Variants in PDLIM5 observed in about 807,000 individuals in gnomAD.
PDLIM5 encodes the protein PDZ and LIM domain protein 5.
PDLIM5 carries 34 observed loss-of-function variants against 64.2 expected under a neutral mutation model. The ratio of observed to expected loss-of-function variants is 0.53; its 90% CI spans 0.40 to 0.71. PDLIM5 has a LOEUF of 0.71. PDLIM5 is among the 30% of genes least tolerant of loss of function. The probability of loss-of-function intolerance (pLI) is 0.00; values close to 1 mark genes in which losing one functional copy is unlikely to be tolerated. For missense variants in PDLIM5, 683 were observed against 733.6 expected (o/e 0.93, Z 0.80); for synonymous variants, 253 against 269.1 (o/e 0.94, Z 0.59).
chr4:94,456,710 A>T, intron 2 of PDLIM5: 1 of 1,338,648 alleles, frequency 7.5e-7, no homozygotes, highest in Non-Finnish European at 9.6e-7. Context: ...ATAAGTACAT[A>T]CATATATATG....
At chr4:94,518,960 T>G (rs1296433820) in intron 2 of PDLIM5, among the ~76,000 whole-genome samples, 2 of 152,182 alleles carry the variant, frequency 1.3e-5, no homozygotes. Context: ...GCTTTATTGC[T>G]TCTTATCCTT....
chr4:94,555,719 A>G (rs1223676426), intron 3 of PDLIM5, among the ~76,000 whole-genome samples: 2 of 151,866 alleles, frequency 1.3e-5, no homozygotes, highest in African/African-American at 4.8e-5. Context: ...TCGTGTGCCA[A>G]TTCTATGTTA....
At chr4:94,543,882 A>G (rs1226627657) in intron 3 of PDLIM5, among the ~76,000 whole-genome samples, 1 of 150,340 alleles carries the variant, frequency 6.7e-6, no homozygotes, top group Non-Finnish European at 1.5e-5. Flanking sequence ...TTGATTCCAT[A>G]TTATGGGAAT....
chr4:94,614,490 G>A (rs1379016372), intron 7 of PDLIM5, among the ~76,000 whole-genome samples: 1 of 152,040 alleles, frequency 6.6e-6, no homozygotes, highest in Non-Finnish European at 1.5e-5. Flanking sequence ...AGATTTTTAG[G>A]GGATTGGGCA....
chr4:94,468,519 T>C (rs1465528131), intron 2 of PDLIM5, among the ~76,000 whole-genome samples: 1 of 152,104 alleles, frequency 6.6e-6, no homozygotes, highest in Non-Finnish European at 1.5e-5. Context: ...AAACTAAACC[T>C]AGTCTGTGCT....
At chr4:94,586,280 C>A in intron 6 of PDLIM5, 128 bp from the exon 7 acceptor site, 1 of 604,134 alleles carries the variant, frequency 1.7e-6, no homozygotes. Flanking sequence ...TAACAGGCTA[C>A]TATGGAATTC....
At chr4:94,456,774 G>T in intron 2 of PDLIM5, 1 of 1,217,318 alleles carries the variant, frequency 8.2e-7, no homozygotes, top group East Asian at 4.5e-5. Context: ...ACACTTTTGT[G>T]CAACGCATGA....
intron 2 of PDLIM5, among the ~76,000 whole-genome samples, chr4:94,479,192 G>C (rs1428170256): frequency 6.6e-6 from 1 of 150,990 alleles, no homozygotes; most frequent in Non-Finnish European, 1.5e-5. Flanking sequence ...GAGCCACTGT[G>C]CCCAGCCTGT....
intron 3 of PDLIM5, among the ~76,000 whole-genome samples, chr4:94,540,326 G>T (rs1380209690): frequency 1.3e-5 from 2 of 152,078 alleles, no homozygotes; most frequent in Non-Finnish European, 2.9e-5. Flanking sequence ...CACTGTGTTA[G>T]CCAGGATGGT....
At chr4:94,620,902 T>C (rs185200726) in intron 8 of PDLIM5, among the ~76,000 whole-genome samples, 1 of 151,652 alleles carries the variant, frequency 6.6e-6, no homozygotes, top group Admixed American at 6.6e-5. Flanking sequence ...ACCCTGTCTC[T>C]ACTAAAAATA....
chr4:94,619,301 C>T (rs188921525), intron 8 of PDLIM5, among the ~76,000 whole-genome samples: 1 of 152,204 alleles, frequency 6.6e-6, no homozygotes, highest in Admixed American at 6.5e-5. Context: ...TCCCCTCCTT[C>T]AGTCTGTCCC....
chr4:94,574,513 AAAC>A, intron 4 of PDLIM5, among the ~76,000 whole-genome samples: 1 of 151,974 alleles, frequency 6.6e-6, no homozygotes, highest in Non-Finnish European at 1.5e-5. Context: ...AAAAAAAAAA[AAAC>A]AAGATGAATT....
chr4:94,462,277 T>G (rs572302425), intron 2 of PDLIM5, among the ~76,000 whole-genome samples: 19 of 152,326 alleles, frequency 1.2e-4, no homozygotes, highest in African/African-American at 4.3e-4. Flanking sequence ...GGAAGCCACC[T>G]GTGTTAGTAG....
chr4:94,461,006 T>C (rs1023797478), intron 2 of PDLIM5, among the ~76,000 whole-genome samples: 1 of 152,218 alleles, frequency 6.6e-6, no homozygotes, highest in African/African-American at 2.4e-5. Context: ...AGTTGAACAG[T>C]GGTCTTTGTC....
At chr4:94,620,297 G>T (rs186922664) in intron 8 of PDLIM5, among the ~76,000 whole-genome samples, 1 of 152,118 alleles carries the variant, frequency 6.6e-6, no homozygotes, top group Non-Finnish European at 1.5e-5. Context: ...AGCTGAGTGC[G>T]GTGGCTCCTG....
intron 2 of PDLIM5, among the ~76,000 whole-genome samples, chr4:94,478,672 A>G (rs949368669): frequency 6.6e-6 from 1 of 152,160 alleles, no homozygotes; most frequent in East Asian, 1.9e-4. Context: ...AAAGGAAGTT[A>G]TTATTGTGAC....
At chr4:94,661,125 G>C (rs188772922) in intron 11 of PDLIM5, among the ~76,000 whole-genome samples, 56 of 152,228 alleles carry the variant, frequency 3.7e-4, no homozygotes, top group African/African-American at 1.2e-3. Flanking sequence ...CAGGCACAGT[G>C]ACTCAGTGCC....
chr4:94,643,603 C>A (rs17021920), intron 9 of PDLIM5, among the ~76,000 whole-genome samples: 6,797 of 152,094 alleles, frequency 0.045, 277 homozygotes, highest in East Asian at 0.15. Flanking sequence ...TTAGCTTGAC[C>A]TCTCTGTGAA....
At chr4:94,492,071 A>G (rs1192324226) in intron 2 of PDLIM5, among the ~76,000 whole-genome samples, 2 of 148,308 alleles carry the variant, frequency 1.3e-5, no homozygotes, top group East Asian at 3.9e-4. Flanking sequence ...CTCCTTTAAA[A>G]GTAATTTGTA....
Sources: gnomAD v4.1 joint callset for allele counts (sites outside exome capture counted in the v4.1 genomes callset) on GRCh38, gnomAD v4.1.1 for gene constraint, MANE v1.5 for transcripts, NCBI Gene and HGNC (gene_info 2026-07-23, HGNC 2026-07-21) for gene names.